Variants in SPATA9 observed in about 807,000 individuals in gnomAD.
SPATA9 encodes spermatogenesis-associated protein 9.
A neutral mutation model predicts 25.5 loss-of-function variants in SPATA9; 27 were observed. The observed-to-expected ratio is 1.06, with a 90% CI of 0.78 to 1.46. SPATA9 has a LOEUF of 1.46. SPATA9 is among the 40% of genes most tolerant of loss of function. The pLI is 0.00. For missense variants in SPATA9, 282 were observed against 297.5 expected (o/e 0.95, Z 0.38); for synonymous variants, 102 against 105.7 (o/e 0.97, Z 0.21).
the SPATA9 span, chr5:95,708,951 C>T: frequency 9.4e-4 from 233 of 249,118 alleles, 1 homozygote; most frequent in Non-Finnish European, 1.6e-3. Flanking sequence ...CCGACTTAGG[C>T]GCAGTTTTAA....
chr5:95,660,989 T>A (rs1751203278), intron 4 of SPATA9, among the ~76,000 whole-genome samples: 1 of 152,178 alleles, frequency 6.6e-6, no homozygotes, highest in East Asian at 1.9e-4. Context: ...CCAGAGTCTG[T>A]TTCCACGTTA....
intron 2 of SPATA9, among the ~76,000 whole-genome samples, chr5:95,680,826 A>G (rs1031602344): frequency 2.0e-5 from 3 of 152,166 alleles, no homozygotes; most frequent in African/African-American, 7.2e-5. Context: ...ATGACCCCTT[A>G]AACTGTGATC....
chr5:95,679,616 G>A (rs929826818), intron 2 of SPATA9, among the ~76,000 whole-genome samples: 9 of 152,280 alleles, frequency 5.9e-5, no homozygotes, highest in African/African-American at 2.2e-4. Flanking sequence ...CCGGCCAAAG[G>A]CAGAAAGCAG....
At chr5:95,686,314 T>C (rs1312005314), upstream of SPATA9, among the ~76,000 whole-genome samples, 7 of 152,156 alleles carry the variant, frequency 4.6e-5, no homozygotes, top group Non-Finnish European at 7.3e-5. Flanking sequence ...TATTTAACTA[T>C]GTAGGTAAAA....
At chr5:95,693,647 A>G (rs1447782912) in intron 1 of SPATA9, among the ~76,000 whole-genome samples, 1 of 152,234 alleles carries the variant, frequency 6.6e-6, no homozygotes, top group Non-Finnish European at 1.5e-5. Context: ...TGCATTCTGC[A>G]ACACTTGAAA....
the SPATA9 span, among the ~76,000 whole-genome samples, chr5:95,716,446 G>C: frequency 6.6e-6 from 1 of 152,258 alleles, no homozygotes; most frequent in Non-Finnish European, 1.5e-5. Context: ...CATGGGGCCT[G>C]TAGCCCCTTC....
rs200808648 is a variant in SPATA9 at position 95,658,638 on chromosome 5, C to T, written c.750G>A (p.Met250Ile). Residue 250 changes from methionine (M) to isoleucine (I), a missense_variant, in exon 5 of 5, where the codon ATG (methionine) becomes ATA (isoleucine). By Grantham distance (10) the Met-to-Ile change is conservative. Coordinates refer to ENST00000274432, the MANE Select transcript of SPATA9 (RefSeq NM_031952.4). ...ATACCTGTATTCAGATTTGCTCATTCATTTCAGCTGATTGGTCAAACACAG... is the reference window on the plus strand; with the variant it reads ...ATACCTGTATTCAGATTTGCTCATTTATTTCAGCTGATTGGTCAAACACAG... The part of the protein sequence containing the change: ...LHSVFDQSAE[M>I]NEQI 1.2e-6 allele frequency: 2 copies of T among 1,612,758 alleles called. No homozygotes were observed. Among genetic ancestry groups the T allele is most frequent in the South Asian group, 2.2e-5 (2 of 90,944 alleles).
At chr5:95,677,489 C>T (rs779369364) in intron 2 of SPATA9, among the ~76,000 whole-genome samples, 23 of 152,220 alleles carry the variant, frequency 1.5e-4, no homozygotes, top group Middle Eastern at 3.4e-3. Flanking sequence ...AACAACTCAC[C>T]AAAGACAAAA....
intron 4 of SPATA9, 54 bp from the exon 5 acceptor site, chr5:95,658,967 CA>C: frequency 6.5e-7 from 1 of 1,532,186 alleles, no homozygotes; most frequent in Non-Finnish European, 8.7e-7. Context: ...CTACTAACCA[CA>C]GATTAAAAAC....
chr5:95,674,687 T>C (rs1187009457), intron 3 of SPATA9: 2 of 449,176 alleles, frequency 4.5e-6, no homozygotes, highest in African/African-American at 4.0e-5. Flanking sequence ...TTTGAATACC[T>C]GTATCCAGCC....
chr5:95,684,868 A>G (rs955853390), upstream of SPATA9: 3 of 152,374 alleles, frequency 2.0e-5, no homozygotes, highest in African/African-American at 7.2e-5. Context: ...AAACTAGGAA[A>G]CAATTAAAAA....
At chr5:95,669,944 A>G (rs1303548002) in intron 3 of SPATA9, among the ~76,000 whole-genome samples, 1 of 152,090 alleles carries the variant, frequency 6.6e-6, no homozygotes, top group Admixed American at 6.5e-5. Context: ...GAGGGGTTTG[A>G]GGAATAATTT....
chr5:95,699,984 C>G (rs1296190642), upstream of SPATA9, among the ~76,000 whole-genome samples: 1 of 152,104 alleles, frequency 6.6e-6, no homozygotes, highest in Non-Finnish European at 1.5e-5. Flanking sequence ...ACAGAAAGAT[C>G]TGGGGACTCC....
downstream of SPATA9, chr5:95,656,379 T>C: frequency 7.6e-7 from 1 of 1,319,652 alleles, no homozygotes; most frequent in Non-Finnish European, 1.0e-6. Flanking sequence ...CTGCTTCAGT[T>C]TTAAAGGTGA....
At chr5:95,710,772 A>G in the SPATA9 span, among the ~76,000 whole-genome samples, 1 of 152,140 alleles carries the variant, frequency 6.6e-6, no homozygotes, top group Non-Finnish European at 1.5e-5. Context: ...CGCCACTAAG[A>G]TTTTTGTTTG....
rs1200612371 is a variant in SPATA9, at chr5:95,675,471, T to A, written c.319A>T (p.Ile107Leu). The A allele has an allele frequency of 1.9e-6, 3 of 1,614,160 alleles. No individual in the cohort carries two copies. Among genetic ancestry groups the A allele is most frequent in the Non-Finnish European group, 2.5e-6 (3 of 1,180,020 alleles). ...LACRLLELRD[I>L]SGRLLREVNA... The stretch of plus-strand genomic sequence containing the variant: ...ACTTCCCTCAGCAGACGACCAGATA[T>A]GTCCCTTAGCTCTAAAAGTCTGCAT... Residue 107 changes from isoleucine (I) to leucine (L), a missense_variant, in exon 3 of 5, where the codon ATA (isoleucine) becomes TTA (leucine). Ile to Leu is a conservative substitution (Grantham distance 5). Transcript: ENST00000274432.
intron 2 of SPATA9, among the ~76,000 whole-genome samples, chr5:95,679,367 T>G (rs967317061): frequency 9.2e-5 from 14 of 152,250 alleles, no homozygotes; most frequent in African/African-American, 7.2e-5. Context: ...ATAGCCAAAA[T>G]AGTTTCCAGT....
intron 2 of SPATA9, among the ~76,000 whole-genome samples, chr5:95,677,242 A>C (rs1753019551): frequency 6.6e-6 from 1 of 152,206 alleles, no homozygotes; most frequent in African/African-American, 2.4e-5. Context: ...TGGAGTATAA[A>C]TTGTAAGTGT....
At chr5:95,682,488 AT>A in intron 2 of SPATA9, 39 bp downstream of exon 2, 8 of 1,361,650 alleles carry the variant, frequency 5.9e-6, no homozygotes, top group Non-Finnish European at 8.2e-6. Context: ...AATAGAATAT[AT>A]TTTTTCTATT....
Sources: gnomAD v4.1 joint callset for allele counts (sites outside exome capture counted in the v4.1 genomes callset) on GRCh38, gnomAD v4.1.1 for gene constraint, MANE v1.5 for transcripts, NCBI Gene and HGNC (gene_info 2026-07-23, HGNC 2026-07-21) for gene names.